SVOPL: variants seen among roughly 807,000 people sequenced by gnomAD.
SVOPL encodes the protein putative transporter SVOPL.
A neutral mutation model predicts 61.0 loss-of-function variants in SVOPL; 60 were observed. The ratio of observed to expected loss-of-function variants is 0.98; its 90% confidence interval spans 0.80 to 1.22. The LOEUF (loss-of-function observed/expected upper bound fraction) is 1.22, where lower values mean the gene tolerates loss of function less well. SVOPL is among the 50% of genes most tolerant of loss of function. SVOPL has a pLI of 0.00. For synonymous variants in SVOPL, 279 were observed against 250.0 expected (o/e 1.12, Z -1.09); for missense variants, 662 against 643.9 (o/e 1.03, Z -0.30).
In SVOPL at chr7:138,628,314, G is replaced by A; in HGVS notation, c.913C>T (p.Leu305=). ...YYGVILASAE[L]LERDLVCGSK... ...CCACAGACCAAGTCCCGCTCCAGCAGCTCAGCACTGGCCAGGATAACCCCA... is the reference window on the plus strand; with the variant it reads ...CCACAGACCAAGTCCCGCTCCAGCAACTCAGCACTGGCCAGGATAACCCCA... Residue 305 remains leucine, a synonymous_variant, in exon 11 of 16, where the codon CTG becomes TTG. Transcript: ENST00000674285. The A allele has an allele frequency of 6.2e-7, 1 of 1,614,164 alleles. No homozygotes were observed. The highest frequency in any genetic ancestry group is 1.7e-5 in the Admixed American group (1 of 60,014).
chr7:138,626,320 G>C (rs1485469495), intron 12 of SVOPL, among the ~76,000 whole-genome samples: 1 of 152,172 alleles, frequency 6.6e-6, no homozygotes, highest in Non-Finnish European at 1.5e-5. Flanking sequence ...GCTCACACCT[G>C]TAATCCCTGC....
rs377381373 is a variant in SVOPL at position 138,601,977 on chromosome 7, G to A, written c.1354-5447C>T. ...TTCTCCACTAGTATGTAACTTCAAA[G>A]AATCAGACCTTGACTATTTTAAAGT... On this transcript the variant is annotated intron_variant, in intron 14 of 15. Transcript: ENST00000674285. Among the ~76,000 whole-genome samples, 36 of 152,324 alleles carry A rather than the reference G, an allele frequency of 2.4e-4. No homozygotes were observed. In the South Asian group the frequency reaches 3.9e-3, roughly 17 times the overall value.
chr7:138,680,671 C>T (rs957295279), intron 1 of SVOPL, among the ~76,000 whole-genome samples: 6 of 152,034 alleles, frequency 3.9e-5, no homozygotes, highest in East Asian at 3.9e-4. Flanking sequence ...CTCTGCCTCC[C>T]GGGTTCATGC....
chr7:138,664,726 G>A (rs1051167415), intron 4 of SVOPL, among the ~76,000 whole-genome samples: 1 of 150,162 alleles, frequency 6.7e-6, no homozygotes, highest in Non-Finnish European at 1.5e-5. Flanking sequence ...TGGGTGTGCC[G>A]CTGACCCCTG....
intron 8 of SVOPL, among the ~76,000 whole-genome samples, chr7:138,647,109 C>A (rs1334069456): frequency 1.3e-5 from 2 of 152,222 alleles, no homozygotes; most frequent in African/African-American, 4.8e-5. Context: ...GGCGCAGTGG[C>A]TCACACCTGC....
At chr7:138,609,673 CAAAAA>C (rs532160770) in intron 14 of SVOPL, among the ~76,000 whole-genome samples, 275 of 104,282 alleles carry the variant, frequency 2.6e-3, no homozygotes, top group African/African-American at 9.9e-3. Flanking sequence ...CAAAACAAAA[CAAAAA>C]ACAAAAGCAA....
chr7:138,694,536 G>C (rs1331870877), intron 1 of SVOPL, among the ~76,000 whole-genome samples: 1 of 150,066 alleles, frequency 6.7e-6, no homozygotes, highest in Non-Finnish European at 1.5e-5. Flanking sequence ...ATGAGCCACC[G>C]TGCTGACCCA....
rs559565423 is a variant in SVOPL at position 138,648,727 on chromosome 7, C to T, written c.660+285G>A. On this transcript the variant is annotated intron_variant, in intron 8 of 15. Transcript: ENST00000674285. Reference sequence around the variant, plus strand: ...CGCCACTGCACTCCAGCCGAGGTCGCGGCACTGCACTCCAGCCTGGGGAGA... The same window carrying T: ...CGCCACTGCACTCCAGCCGAGGTCGTGGCACTGCACTCCAGCCTGGGGAGA... 6.8e-4 allele frequency among the ~76,000 whole-genome samples: 103 copies of T among 150,602 alleles called. 2 individuals are homozygous for T. The South Asian group carries it at 0.018, about 27-fold the overall frequency.
At chr7:138,670,746 G>A (rs939640700) in intron 4 of SVOPL, among the ~76,000 whole-genome samples, 2 of 152,044 alleles carry the variant, frequency 1.3e-5, no homozygotes, top group African/African-American at 4.8e-5. Flanking sequence ...TTGATAAGTT[G>A]GCTCTATTGG....
intron 14 of SVOPL, among the ~76,000 whole-genome samples, chr7:138,601,918 C>T (rs1308204881): frequency 6.6e-6 from 1 of 152,184 alleles, no homozygotes; most frequent in Non-Finnish European, 1.5e-5. Flanking sequence ...TAATCATTAT[C>T]TGATGTATTA....
intron 9 of SVOPL, among the ~76,000 whole-genome samples, chr7:138,641,949 ACG>A (rs1313876516): frequency 3.5e-5 from 5 of 144,122 alleles, no homozygotes; most frequent in East Asian, 2.1e-4. Context: ...ACACACACAC[ACG>A]TACATATATA....
chr7:138,649,758 A>G (rs1801326164), intron 7 of SVOPL, among the ~76,000 whole-genome samples: 1 of 152,214 alleles, frequency 6.6e-6, no homozygotes, highest in African/African-American at 2.4e-5. Context: ...CAAGCCAGTA[A>G]CAAGGCTACT....
rs536082998 is a variant in SVOPL at position 138,616,482 on chromosome 7, G to A, written c.1353+4564C>T. ...CTCCCGAATAGCTGGGATTACAGGCGCGCATCAACAAACCCAGCTAATTTT... is the reference window on the plus strand; with the variant it reads ...CTCCCGAATAGCTGGGATTACAGGCACGCATCAACAAACCCAGCTAATTTT... On this transcript the variant is annotated intron_variant, in intron 14 of 15. Transcript: ENST00000674285. Among the ~76,000 whole-genome samples the A allele has an allele frequency of 1.4e-4, 22 of 151,988 alleles. No homozygotes were observed. The East Asian group carries it at 1.6e-3, about 11-fold the overall frequency.
chr7:138,651,491 T>C (rs1801430458), intron 7 of SVOPL, among the ~76,000 whole-genome samples: 1 of 152,240 alleles, frequency 6.6e-6, no homozygotes, highest in East Asian at 1.9e-4. Flanking sequence ...CAATTTTTTT[T>C]TAACAAATTG....
chr7:138,683,081 A>G (rs1376971477), intron 1 of SVOPL, among the ~76,000 whole-genome samples: 1 of 152,088 alleles, frequency 6.6e-6, no homozygotes, highest in East Asian at 1.9e-4. Flanking sequence ...TTAAGAAATT[A>G]CTGATGGCCT....
chr7:138,609,957 G>A (rs1352253724), intron 14 of SVOPL, among the ~76,000 whole-genome samples: 1 of 152,058 alleles, frequency 6.6e-6, no homozygotes, highest in African/African-American at 2.4e-5. Context: ...TCTAACTCCT[G>A]ACCGCAAATG....
rs538832144 is a variant in SVOPL, at chr7:138,596,651, G to A, written c.1354-121C>T. ...GATGGTCCTTTGCAGCCATTCTACA[G>A]GTTGTACCTTCCTGACAAATTGATT... On this transcript the variant is annotated intron_variant, in intron 14 of 15. Transcript: ENST00000674285. 1.4e-5 allele frequency: 20 copies of A among 1,427,994 alleles called. No individual in the cohort carries two copies. In the South Asian group the frequency reaches 2.7e-4, roughly 19 times the overall value. 88.5% of individuals were successfully genotyped at this position (1,427,994 alleles called of 1,614,324 possible).
chr7:138,675,787 T>C (rs1314222862), intron 3 of SVOPL, among the ~76,000 whole-genome samples: 1 of 152,162 alleles, frequency 6.6e-6, no homozygotes. Flanking sequence ...CCCATATCTT[T>C]GATTTTCCAT....
chr7:138,658,288 C>A (rs1005578376), intron 6 of SVOPL, among the ~76,000 whole-genome samples: 5 of 152,200 alleles, frequency 3.3e-5, no homozygotes, highest in East Asian at 3.9e-4. Flanking sequence ...GACATATTCC[C>A]CCCCCTCCCT....
Sources: allele counts gnomAD v4.1 joint callset (sites outside exome capture counted in the v4.1 genomes callset), GRCh38; gene constraint gnomAD v4.1.1; transcripts MANE v1.5; gene names NCBI Gene and HGNC (gene_info 2026-07-23, HGNC 2026-07-21).